Variants in SHISA9 observed in about 807,000 individuals in gnomAD.
The protein encoded by SHISA9 is shisa family member 9, also known as protein shisa-9.
SHISA9 carries 13 observed loss-of-function variants against 38.0 expected under a neutral mutation model. That is an observed-to-expected ratio of 0.34 (90% CI 0.22 to 0.54). SHISA9 has a LOEUF of 0.54. Among genes scored for constraint, SHISA9 ranks in the 20% least tolerant of loss-of-function variants. The probability of loss-of-function intolerance (pLI) is 0.91; values close to 1 mark genes in which losing one functional copy is unlikely to be tolerated. For synonymous variants in SHISA9, 275 were observed against 242.0 expected, an observed-to-expected ratio of 1.14 and a Z score of -1.27; for missense variants, 538 against 575.8, an observed-to-expected ratio of 0.93 and a Z score of 0.67.
At chr16:13,423,273 A>G in the SHISA9 span, among the ~76,000 whole-genome samples, 75 of 152,306 alleles carry the variant, frequency 4.9e-4, no homozygotes, top group African/African-American at 1.6e-3. Context: ...TAGAGAAACC[A>G]CCAGCCTCTG....
chr16:12,943,970 G>T (rs1344153789), intron 2 of SHISA9, among the ~76,000 whole-genome samples: 2 of 151,964 alleles, frequency 1.3e-5, no homozygotes, highest in Non-Finnish European at 2.9e-5. Flanking sequence ...CAACACTATT[G>T]ATATCTTGGG....
the SHISA9 span, among the ~76,000 whole-genome samples, chr16:13,461,327 C>T: frequency 6.6e-6 from 1 of 152,148 alleles, no homozygotes; most frequent in African/African-American, 2.4e-5. Flanking sequence ...CACCTGTAAT[C>T]CCAGCACTTT....
At chr16:13,445,075 T>C in the SHISA9 span, among the ~76,000 whole-genome samples, 3 of 148,712 alleles carry the variant, frequency 2.0e-5, no homozygotes, top group African/African-American at 7.4e-5. Context: ...TTGCCCAGGC[T>C]GGTCTCGAAC....
intron 2 of SHISA9, among the ~76,000 whole-genome samples, chr16:13,019,840 T>TTTC (rs1567183905): frequency 3.4e-4 from 23 of 66,838 alleles, no homozygotes; most frequent in Non-Finnish European, 5.8e-4. Flanking sequence ...TTCTTTTTCC[T>TTTC]TCCTTCCCTC....
chr16:13,210,928 G>T (rs979695351), intron 3 of SHISA9, among the ~76,000 whole-genome samples: 3 of 152,182 alleles, frequency 2.0e-5, no homozygotes, highest in African/African-American at 4.8e-5. Context: ...CAAAAGAAAA[G>T]CTGGGGAAGC....
the SHISA9 span, among the ~76,000 whole-genome samples, chr16:13,250,285 G>C: frequency 2.0e-5 from 3 of 152,152 alleles, no homozygotes; most frequent in African/African-American, 7.2e-5. Context: ...TAAAGCTTAG[G>C]GGTGGAGGAG....
At chr16:13,469,316 G>A in the SHISA9 span, among the ~76,000 whole-genome samples, 145 of 53,642 alleles carry the variant, frequency 2.7e-3, 6 homozygotes, top group East Asian at 0.014. Flanking sequence ...GAGAGAGAGA[G>A]AGAGAGAAAG....
chr16:13,429,492 T>A, the SHISA9 span, among the ~76,000 whole-genome samples: 9 of 152,192 alleles, frequency 5.9e-5, no homozygotes, highest in African/African-American at 2.2e-4. Context: ...TCTTCCTTCT[T>A]TGCATGTCTG....
chr16:12,925,842 A>C (rs760313743), intron 2 of SHISA9, among the ~76,000 whole-genome samples: 1 of 152,104 alleles, frequency 6.6e-6, no homozygotes, highest in Non-Finnish European at 1.5e-5. Flanking sequence ...AAATAAAACA[A>C]TTGCTTTTTT....
intron 2 of SHISA9, among the ~76,000 whole-genome samples, chr16:13,095,532 G>T (rs1043982101): frequency 2.0e-5 from 3 of 152,224 alleles, no homozygotes; most frequent in Non-Finnish European, 2.9e-5. Flanking sequence ...CCTCAGAACT[G>T]TTCTAGCTCC....
chr16:13,381,623 A>G, the SHISA9 span, among the ~76,000 whole-genome samples: 1 of 152,194 alleles, frequency 6.6e-6, no homozygotes, highest in Admixed American at 6.5e-5. Context: ...TGGTGGTGCT[A>G]TTCCTGCTGC....
the SHISA9 span, among the ~76,000 whole-genome samples, chr16:13,481,398 G>A: frequency 1.3e-5 from 2 of 152,142 alleles, no homozygotes; most frequent in African/African-American, 2.4e-5. Flanking sequence ...GCTAGCAAAC[G>A]TTACAACGTA....
chr16:12,909,614 G>A (rs1004121576), intron 1 of SHISA9: 1 of 985,108 alleles, frequency 1.0e-6, no homozygotes, highest in African/African-American at 1.7e-5. Flanking sequence ...TTGTGTGGCT[G>A]GTCCCTCCTC....
chr16:13,217,044 G>C (rs1444099447), intron 4 of SHISA9, among the ~76,000 whole-genome samples: 1 of 151,868 alleles, frequency 6.6e-6, no homozygotes, highest in Non-Finnish European at 1.5e-5. Context: ...GGCCGAGGTG[G>C]GCGGATAACG....
At chr16:13,181,844 T>C (rs1488188978) in intron 2 of SHISA9, among the ~76,000 whole-genome samples, 1 of 152,078 alleles carries the variant, frequency 6.6e-6, no homozygotes, top group African/African-American at 2.4e-5. Context: ...ACCCTTGAGA[T>C]GTGTGTGTTG....
chr16:13,453,990 C>T, the SHISA9 span, among the ~76,000 whole-genome samples: 1 of 152,144 alleles, frequency 6.6e-6, no homozygotes, highest in Non-Finnish European at 1.5e-5. Flanking sequence ...AAATAATACC[C>T]TCATCTCATA....
At chr16:12,947,761 G>T (rs1303085162) in intron 2 of SHISA9, among the ~76,000 whole-genome samples, 1 of 152,170 alleles carries the variant, frequency 6.6e-6, no homozygotes, top group Non-Finnish European at 1.5e-5. Context: ...GCCCCTTGAA[G>T]GTATCAGTGT....
rs150315683 is a variant in SHISA9, at chr16:13,133,469, G to A, written c.692-69925G>A. 4.3e-3 allele frequency among the ~76,000 whole-genome samples: 648 copies of A among 152,228 alleles called. 8 individuals are homozygous for A. Among genetic ancestry groups the A allele is most frequent in the African/African-American group, 0.015 (615 of 41,536 alleles). ...CAATTCAGGTTCCCAGTTCCTTCCC[G>A]AATGCTCCTTACATTTCTATAGCTC... On this transcript the variant is annotated intron_variant, in intron 2 of 4. Coordinates refer to ENST00000558583, the MANE Select transcript of SHISA9 (RefSeq NM_001145204.3).
At chr16:13,034,593 T>A (rs2073031155) in intron 2 of SHISA9, among the ~76,000 whole-genome samples, 1 of 152,210 alleles carries the variant, frequency 6.6e-6, no homozygotes, top group Non-Finnish European at 1.5e-5. Context: ...CAGACCTCCC[T>A]CCATGCATAC....
Sources: gnomAD v4.1 joint callset for allele counts (sites outside exome capture counted in the v4.1 genomes callset) on GRCh38, gnomAD v4.1.1 for gene constraint, MANE v1.5 for transcripts, NCBI Gene and HGNC (gene_info 2026-07-23, HGNC 2026-07-21) for gene names.